The following TSPAN18 variants were observed in gnomAD, a reference collection of about 807,000 sequenced individuals.
The protein encoded by TSPAN18 is tetraspanin-18.
Under a neutral mutation model 27.3 loss-of-function variants are expected in TSPAN18, and 14 were observed. The ratio of observed to expected loss-of-function variants is 0.51; its 90% CI spans 0.34 to 0.80. The LOEUF (loss-of-function observed/expected upper bound fraction) is 0.80. TSPAN18 is among the 30% of genes least tolerant of loss of function. The pLI is 0.01. For synonymous variants in TSPAN18, 143 were observed against 136.5 expected (o/e 1.05, Z -0.33); for missense variants, 268 against 323.9 (o/e 0.83, Z 1.32).
intron 3 of TSPAN18, among the ~76,000 whole-genome samples, chr11:44,897,430 C>T (rs1859100382): frequency 6.6e-6 from 1 of 152,184 alleles, no homozygotes; most frequent in Admixed American, 6.5e-5. Context: ...CCATCATCTC[C>T]TCCCAGGCCA....
chr11:44,856,687 T>G (rs574084824), intron 2 of TSPAN18, among the ~76,000 whole-genome samples: 3 of 152,220 alleles, frequency 2.0e-5, no homozygotes, highest in Non-Finnish European at 2.9e-5. Flanking sequence ...GTTCAATTAA[T>G]GCTTTCCAAA....
In TSPAN18 at chr11:44,919,849, CTT is replaced by C. The variant is rs1860058683; in HGVS notation, c.467_468del (p.Phe156Ter). 1 of 1,614,088 alleles carries C rather than the reference CTT, an allele frequency of 6.2e-7. No individual in the cohort carries two copies. Among genetic ancestry groups the C allele is most frequent in the African/African-American group, 1.3e-5 (1 of 74,946 alleles). ...GCTGCGGGGTCAACGGGCCTGAAGA[CTT>C]TAAGTTTGCATCTGTGTTTCGACTC... is the stretch of plus-strand genomic sequence containing the variant. ...GCCGVNGPEDFKFASVFRLLT... is the reference protein window; with the variant it reads ...GCCGVNGPEDXKFASVFRLLT... On this transcript the variant is annotated frameshift_variant, in exon 8 of 10. Transcript: ENST00000520358. LOFTEE classifies it high-confidence loss of function.
chr11:44,884,193 GGC>G (rs1858573701), intron 3 of TSPAN18, among the ~76,000 whole-genome samples: 1 of 152,102 alleles, frequency 6.6e-6, no homozygotes, highest in Non-Finnish European at 1.5e-5. Context: ...AGGCACAGCA[GGC>G]TAATCAAAGT....
chr11:44,875,245 A>G (rs144032202), intron 3 of TSPAN18, among the ~76,000 whole-genome samples: 1,709 of 152,268 alleles, frequency 0.011, 31 homozygotes, highest in African/African-American at 0.039. Context: ...GGTGTCCCCA[A>G]CCAGACCTCT....
intron 1 of TSPAN18, chr11:44,736,235 C>T (rs908451646): frequency 1.2e-4 from 18 of 152,142 alleles, no homozygotes; most frequent in African/African-American, 3.4e-4. Flanking sequence ...ACACTCTGTC[C>T]GCAGCTAAGT....
intron 2 of TSPAN18, among the ~76,000 whole-genome samples, chr11:44,821,349 A>G (rs1423534607): frequency 3.9e-5 from 6 of 152,222 alleles, no homozygotes; most frequent in African/African-American, 1.2e-4. Flanking sequence ...ATTAGGGCCA[A>G]GACATTTCCT....
At chr11:44,739,234 C>G (rs1854871556) in intron 1 of TSPAN18, among the ~76,000 whole-genome samples, 1 of 152,314 alleles carries the variant, frequency 6.6e-6, no homozygotes, top group South Asian at 2.1e-4. Context: ...GGTAGTCAAA[C>G]ATCCCAGGAA....
chr11:44,920,506 C>G (rs1860088129), intron 8 of TSPAN18, among the ~76,000 whole-genome samples: 1 of 152,172 alleles, frequency 6.6e-6, no homozygotes, highest in South Asian at 2.1e-4. Flanking sequence ...TTCCTCGCAG[C>G]CTTGGAAGAA....
intron 1 of TSPAN18, among the ~76,000 whole-genome samples, chr11:44,743,823 G>T (rs185047577): frequency 3.3e-5 from 5 of 152,362 alleles, no homozygotes; most frequent in African/African-American, 1.2e-4. Context: ...AGACTTCAGA[G>T]ATGAAGATAA....
chr11:44,789,201 G>T (rs1017637531), intron 2 of TSPAN18, among the ~76,000 whole-genome samples: 5 of 152,144 alleles, frequency 3.3e-5, no homozygotes, highest in African/African-American at 1.2e-4. Flanking sequence ...GCGTGACGCA[G>T]AGCCGTGATC....
intron 6 of TSPAN18, 67 bp downstream of exon 6, chr11:44,918,113 T>C (rs1049747964): frequency 9.4e-5 from 143 of 1,515,188 alleles, no homozygotes; most frequent in Non-Finnish European, 1.3e-4. Flanking sequence ...CATTCAGGTC[T>C]GGCTCCTCCC....
At chr11:44,912,706 T>A (rs1340778676) in intron 5 of TSPAN18, among the ~76,000 whole-genome samples, 2 of 152,196 alleles carry the variant, frequency 1.3e-5, no homozygotes, top group Non-Finnish European at 2.9e-5. Context: ...GTATGTTGTG[T>A]TCTATCGTGT....
At chr11:44,767,664 C>T (rs981791651) in intron 2 of TSPAN18, among the ~76,000 whole-genome samples, 2 of 152,220 alleles carry the variant, frequency 1.3e-5, no homozygotes, top group Non-Finnish European at 2.9e-5. Flanking sequence ...TTTTGGTATT[C>T]TAAGAATCCA....
intron 2 of TSPAN18, among the ~76,000 whole-genome samples, chr11:44,810,718 A>T (rs1856695436): frequency 6.8e-6 from 1 of 146,984 alleles, no homozygotes; most frequent in Non-Finnish European, 1.5e-5. Flanking sequence ...CCATCCTCCC[A>T]CCTCAGCCTC....
At chr11:44,788,087 G>C (rs1428955512) in intron 2 of TSPAN18, among the ~76,000 whole-genome samples, 1 of 152,184 alleles carries the variant, frequency 6.6e-6, no homozygotes, top group Non-Finnish European at 1.5e-5. Context: ...TTTTTCTCGT[G>C]CCTTTTCCTC....
chr11:44,901,943 A>G (rs1303478588), intron 3 of TSPAN18, among the ~76,000 whole-genome samples: 1 of 152,238 alleles, frequency 6.6e-6, no homozygotes, highest in East Asian at 1.9e-4. Context: ...CGGAGTTGGC[A>G]TGTGACTGGC....
intron 2 of TSPAN18, among the ~76,000 whole-genome samples, chr11:44,847,890 A>G (rs2135181251): frequency 6.6e-6 from 1 of 151,928 alleles, no homozygotes; most frequent in South Asian, 2.1e-4. Flanking sequence ...CTGGAGTGCA[A>G]TGGCGTGATC....
chr11:44,927,886 C>G (rs1010914534), intron 9 of TSPAN18, among the ~76,000 whole-genome samples: 2 of 152,130 alleles, frequency 1.3e-5, no homozygotes. Flanking sequence ...TTACAGATGA[C>G]GGGGACAGCA....
At chr11:44,911,677 G>C (rs1168365670) in intron 5 of TSPAN18, among the ~76,000 whole-genome samples, 1 of 151,936 alleles carries the variant, frequency 6.6e-6, no homozygotes, top group South Asian at 2.1e-4. Context: ...TAATGGGCTC[G>C]GCTCTGAAGC....
Sources: gnomAD v4.1 joint callset for allele counts (sites outside exome capture counted in the v4.1 genomes callset) on GRCh38, gnomAD v4.1.1 for gene constraint, MANE v1.5 for transcripts, NCBI Gene and HGNC (gene_info 2026-07-23, HGNC 2026-07-21) for gene names.